The following RPAP2 variants were observed in gnomAD, a reference collection of about 807,000 sequenced individuals.
The protein encoded by RPAP2 is RNA polymerase II associated protein 2, also known as putative RNA polymerase II subunit B1 CTD phosphatase RPAP2.
In RPAP2, 52 loss-of-function variants were observed where a neutral mutation model predicts 73.1. The ratio of observed to expected loss-of-function variants is 0.71; its 90% CI spans 0.57 to 0.90. RPAP2 has a LOEUF of 0.90. Ranked by LOEUF, RPAP2 falls within the 40% of genes least tolerant of loss-of-function variation. RPAP2 has a pLI of 0.00. For synonymous variants in RPAP2, 225 were observed against 242.1 expected (o/e 0.93, Z 0.65); for missense variants, 598 against 701.8 (o/e 0.85, Z 1.67).
At chr1:92,353,879 T>A (rs1295488597) in intron 11 of RPAP2, among the ~76,000 whole-genome samples, 2 of 152,158 alleles carry the variant, frequency 1.3e-5, no homozygotes, top group East Asian at 3.8e-4. Flanking sequence ...ATAATACTTG[T>A]TCAAAGTTTT....
In RPAP2 at chr1:92,323,658, CATAATGAAAAAGA is replaced by C. The variant is rs1557600953; in HGVS notation, c.740_752del (p.Ile247LysfsTer17). 2 of 1,613,452 alleles carry C rather than the reference CATAATGAAAAAGA, an allele frequency of 1.2e-6. No homozygotes were observed. The highest frequency in any genetic ancestry group is 3.3e-5 in the Admixed American group (2 of 59,846). On this transcript the variant is annotated frameshift_variant, in exon 8 of 13. Coordinates refer to ENST00000610020, the MANE Select transcript of RPAP2 (RefSeq NM_024813.3). LOFTEE classifies it high-confidence loss of function. ...TTAGACCACAGCTGCACCAAAAAAG[CATAATGAAAAAGA>C]AAGCTGGTCACAAAGCTAACTCCAA...
At chr1:92,352,256 T>G (rs531674186) in intron 11 of RPAP2, among the ~76,000 whole-genome samples, 1 of 152,008 alleles carries the variant, frequency 6.6e-6, no homozygotes, top group Non-Finnish European at 1.5e-5. Context: ...GTTCAGGGAG[T>G]AGCATGCAAG....
At chr1:92,322,602 C>T (rs189392838) in intron 7 of RPAP2, among the ~76,000 whole-genome samples, 4 of 151,678 alleles carry the variant, frequency 2.6e-5, no homozygotes, top group South Asian at 2.1e-4. Flanking sequence ...CAGCCGGGCA[C>T]GGTGGCTCAC....
chr1:92,323,608 G>T lies in RPAP2; in HGVS notation c.688G>T (p.Gly230Ter), dbSNP rs771151513. 2 of 1,613,908 alleles carry T rather than the reference G, an allele frequency of 1.2e-6. No individual in the cohort carries two copies. Among genetic ancestry groups the T allele is most frequent in the East Asian group, 4.5e-5 (2 of 44,862 alleles). ...AGACTTTGTTTCCTCCATTCTACCA[G>T]GAAACAGACCAAATTCAACAAATAT... is the stretch of plus-strand genomic sequence containing the variant. ...EQDFVSSILPGNRPNSTNIRP... is the reference protein window; with the variant it reads ...EQDFVSSILP The change falls in exon 8 of 13, where the codon GGA (glycine) becomes TGA (stop). Residue 230 changes from glycine to a stop codon, truncating the protein, a stop_gained. Transcript: ENST00000610020. LOFTEE classifies it high-confidence loss of function.
intron 10 of RPAP2, 128 bp downstream of exon 10, chr1:92,336,555 A>G (rs970872203): frequency 1.6e-6 from 1 of 626,078 alleles, no homozygotes; most frequent in Non-Finnish European, 2.8e-6. Context: ...ACAGTATTCT[A>G]TTTTCTCCTC....
At position 92,391,461 on chromosome 1, in the gene RPAP2, CAATT is replaced by C. The variant is rs1483453947; in HGVS notation, c.*4453_*4456del. The stretch of plus-strand genomic sequence containing the variant: ...ATCTAAAATCAACACCCTAACATCA[CAATT>C]AAAAGAACTAGAGAAGCAAGACCAA... On this transcript the variant is annotated 3_prime_UTR_variant, in exon 13 of 13. Coordinates refer to ENST00000610020, the MANE Select transcript of RPAP2 (RefSeq NM_024813.3). 3 of 152,116 alleles carry C rather than the reference CAATT, an allele frequency of 2.0e-5. No individual in the cohort carries two copies. The highest frequency in any genetic ancestry group is 4.4e-5 in the Non-Finnish European group (3 of 68,030). 9.4% of individuals were successfully genotyped at this position (152,116 alleles called of 1,614,324 possible).
rs1034877766 is a variant in RPAP2, at chr1:92,388,067, A to C, written c.*1056A>C. ...CAAAAAATCATAGTGTAATAGAATT[A>C]ATCAAGTTCAGCAAGGTCACAGGCT... On this transcript the variant is annotated 3_prime_UTR_variant, in exon 13 of 13. Coordinates refer to ENST00000610020, the MANE Select transcript of RPAP2 (RefSeq NM_024813.3). The C allele has an allele frequency of 1.3e-5, 2 of 152,224 alleles. No individual in the cohort carries two copies. The highest frequency in any genetic ancestry group is 2.9e-5 in the Non-Finnish European group (2 of 68,032). 9.4% of individuals were successfully genotyped at this position (152,224 alleles called of 1,614,324 possible).
chr1:92,323,512 A>G lies in RPAP2; in HGVS notation c.592A>G (p.Ser198Gly), dbSNP rs777026884. The G allele has an allele frequency of 1.2e-6, 2 of 1,613,922 alleles. No homozygotes were observed. Among genetic ancestry groups the G allele is most frequent in the South Asian group, 1.1e-5 (1 of 91,074 alleles). The change falls in exon 8 of 13, where the codon AGC becomes GGC. Residue 198 changes from serine (S) to glycine (G), a missense_variant. By Grantham distance (56) the Ser-to-Gly change is moderately conservative. This residue lies in a region of RPAP2 where 506 missense variants were observed against 612.8 expected (regional missense o/e 0.83). Coordinates refer to ENST00000610020, the MANE Select transcript of RPAP2 (RefSeq NM_024813.3). ...AIKTSDIDNPSHFEKQYESSS... is the reference protein window; with the variant it reads ...AIKTSDIDNPGHFEKQYESSS... Reference sequence around the variant, plus strand: ...TAAAACATCAGATATCGACAATCCTAGCCACTTTGAAAAGCAATATGAATC... The same window carrying G: ...TAAAACATCAGATATCGACAATCCTGGCCACTTTGAAAAGCAATATGAATC...
chr1:92,327,980 A>G (rs1295933884), intron 8 of RPAP2, among the ~76,000 whole-genome samples: 1 of 152,126 alleles, frequency 6.6e-6, no homozygotes, highest in Non-Finnish European at 1.5e-5. Flanking sequence ...TAAAGATAGG[A>G]CTCCAATGTC....
chr1:92,342,150 A>G (rs1653627873), intron 10 of RPAP2, among the ~76,000 whole-genome samples: 2 of 152,200 alleles, frequency 1.3e-5, no homozygotes, highest in Non-Finnish European at 2.9e-5. Context: ...GGGAAATCAA[A>G]TAGTACTAAG....
In RPAP2 at chr1:92,380,803, G is replaced by A. The variant is rs748784103; in HGVS notation, c.1768G>A (p.Glu590Lys). The part of the protein sequence containing the change: ...FTRFLDTLLE[E>K]LHLKNEDLES... ...ACGGTTTCTAGACACCCTCCTTGAA[G>A]AATTACATCTAAAAAATGAAGACCT... is the stretch of plus-strand genomic sequence containing the variant. Residue 590 changes from glutamate (E) to lysine (K), a missense_variant, in exon 12 of 13, where the codon GAA becomes AAA. By Grantham distance (56) the Glu-to-Lys change is moderately conservative. Around this residue, in one of 3 missense-constraint regions of RPAP2, gnomAD observed 15 missense variants for 33.3 expected, o/e 0.45. Transcript: ENST00000610020. 86 of 1,607,884 alleles carry A rather than the reference G, an allele frequency of 5.3e-5. No individual in the cohort carries two copies. Among genetic ancestry groups the A allele is most frequent in the Non-Finnish European group, 6.3e-5 (74 of 1,177,716 alleles).
rs78967475 is a variant in RPAP2 at position 92,361,296 on chromosome 1, T to A, written c.1688+15382T>A. Among the ~76,000 whole-genome samples, 383 of 152,174 alleles carry A rather than the reference T, an allele frequency of 2.5e-3. 3 individuals are homozygous for A. Among genetic ancestry groups the A allele is most frequent in the South Asian group, 9.1e-3 (44 of 4,820 alleles). On this transcript the variant is annotated intron_variant, in intron 11 of 12. Coordinates refer to ENST00000610020, the MANE Select transcript of RPAP2 (RefSeq NM_024813.3). ...AAGCAGTTTTCTTACCAAAACATAA[T>A]CTCCATGCAGTCAAATACATTGTCT...
intron 8 of RPAP2, among the ~76,000 whole-genome samples, chr1:92,325,926 T>G (rs57177520): frequency 0.024 from 3,596 of 152,262 alleles, 98 homozygotes; most frequent in African/African-American, 0.066. Flanking sequence ...ATATACCATT[T>G]ATTTATGCTA....
chr1:92,339,511 C>T (rs1180862829), intron 10 of RPAP2, among the ~76,000 whole-genome samples: 1 of 152,096 alleles, frequency 6.6e-6, no homozygotes, highest in Non-Finnish European at 1.5e-5. Flanking sequence ...CTGACCTTCC[C>T]AGTCCCTTGG....
intron 12 of RPAP2, among the ~76,000 whole-genome samples, chr1:92,382,663 GA>G (rs1455551049): frequency 6.6e-6 from 1 of 151,612 alleles, no homozygotes; most frequent in Non-Finnish European, 1.5e-5. Flanking sequence ...GTAGATTCTG[GA>G]TATTAGCCCT....
chr1:92,332,793 C>T (rs1176617843), intron 8 of RPAP2, among the ~76,000 whole-genome samples: 2 of 152,146 alleles, frequency 1.3e-5, no homozygotes, highest in Non-Finnish European at 2.9e-5. Flanking sequence ...AGAAAAACTG[C>T]TCAATTTCTC....
At chr1:92,367,487 C>T (rs1352788501) in intron 11 of RPAP2, among the ~76,000 whole-genome samples, 3 of 152,336 alleles carry the variant, frequency 2.0e-5, no homozygotes, top group African/African-American at 7.2e-5. Context: ...ATCTTCCTAC[C>T]TTCTCCTTCC....
rs1557588062 is a variant in RPAP2, at chr1:92,304,327, T to A, written c.377T>A (p.Val126Asp). The A allele has an allele frequency of 6.6e-7, 1 of 1,524,666 alleles. No individual in the cohort carries two copies. Among genetic ancestry groups the A allele is most frequent in the Non-Finnish European group, 9.0e-7 (1 of 1,110,726 alleles). 94.4% of individuals were successfully genotyped at this position (1,524,666 alleles called of 1,614,324 possible). Residue 126 changes from valine to aspartate, a missense_variant, in exon 5 of 13, where the codon GTC becomes GAC. Val to Asp is a radical substitution (Grantham distance 152). Transcript: ENST00000610020. ...KYKISTKTNK[V>D]YDITERKSFC... ...AAAATTTCTACCAAAACCAATAAAG[T>A]CTATGATATTACTGAAAGAAAGGTG...
Position 92,358,240 on chromosome 1 carries a change from C to T in RPAP2, c.1688+12326C>T, listed in dbSNP as rs555388727. On this transcript the variant is annotated intron_variant, in intron 11 of 12. Transcript: ENST00000610020. ...GCCCTTCTTTCTTCTCCAGCCTCAT[C>T]TCACACCATCCTACCTTGTTCTCCC... is the stretch of plus-strand genomic sequence containing the variant. 1.4e-4 allele frequency among the ~76,000 whole-genome samples: 21 copies of T among 152,284 alleles called. No homozygotes were observed. The South Asian group carries it at 4.3e-3, about 32-fold the overall frequency.
Sources: gnomAD v4.1 joint callset for allele counts (sites outside exome capture counted in the v4.1 genomes callset) on GRCh38, gnomAD v4.1.1 for gene constraint, gnomAD v4.1.1 regional missense constraint, MANE v1.5 for transcripts, NCBI Gene and HGNC (gene_info 2026-07-23, HGNC 2026-07-21) for gene names.